Variants in ATE1 observed in about 807,000 individuals in gnomAD.
ATE1 encodes the protein arginyltransferase 1.
Under a neutral mutation model 70.5 loss-of-function variants are expected in ATE1, and 36 were observed. The observed-to-expected ratio is 0.51, with a 90% CI of 0.39 to 0.67. The LOEUF (loss-of-function observed/expected upper bound fraction) is 0.67. Among genes scored for constraint, ATE1 ranks in the 30% least tolerant of loss-of-function variants. The pLI is 0.00. For missense variants in ATE1, 593 were observed against 629.5 expected, an observed-to-expected ratio of 0.94 and a Z score of 0.62; for synonymous variants, 232 against 219.3, an observed-to-expected ratio of 1.06 and a Z score of -0.51.
chr10:121,925,880 T>A (rs1952068322), intron 1 of ATE1, among the ~76,000 whole-genome samples: 1 of 109,630 alleles, frequency 9.1e-6, no homozygotes, highest in African/African-American at 3.3e-5. Context: ...GGAGCAAGAC[T>A]GCCTCTTAAA....
intron 11 of ATE1, among the ~76,000 whole-genome samples, chr10:121,745,860 T>C (rs1218490894): frequency 2.0e-5 from 3 of 152,170 alleles, no homozygotes; most frequent in Admixed American, 6.5e-5. Flanking sequence ...GATGGAGAAC[T>C]GGGTAAAGAG....
At chr10:121,794,661 TAAA>T (rs374044559) in intron 10 of ATE1, among the ~76,000 whole-genome samples, 2 of 65,730 alleles carry the variant, frequency 3.0e-5, no homozygotes, top group African/African-American at 6.4e-5. Context: ...GAATGTCTGG[TAAA>T]AAAAAAAAAA....
At chr10:121,922,517 G>T in intron 2 of ATE1, 106 bp from the exon 3 acceptor site, 1 of 691,690 alleles carries the variant, frequency 1.4e-6, no homozygotes, top group Non-Finnish European at 2.5e-6. Flanking sequence ...AATCAACATT[G>T]TAGAAATGCA....
chr10:121,813,850 G>C (rs1947424066), intron 10 of ATE1, among the ~76,000 whole-genome samples: 1 of 152,176 alleles, frequency 6.6e-6, no homozygotes, highest in Admixed American at 6.5e-5. Context: ...TTGATTCACA[G>C]ACTCCTTTGA....
At chr10:121,781,629 G>GGAAGGCC (rs1345233915) in intron 11 of ATE1, among the ~76,000 whole-genome samples, 1 of 152,152 alleles carries the variant, frequency 6.6e-6, no homozygotes, top group African/African-American at 2.4e-5. Flanking sequence ...TAACCTGAAT[G>GGAAGGCC]GAAGGCCGTG....
At chr10:121,838,304 C>T (rs1948503025) in intron 9 of ATE1, among the ~76,000 whole-genome samples, 1 of 151,890 alleles carries the variant, frequency 6.6e-6, no homozygotes. Flanking sequence ...CCACCTGCGT[C>T]CTTCTCACCA....
chr10:121,837,007 A>C (rs1214911404), intron 9 of ATE1, among the ~76,000 whole-genome samples, 190 bp from the exon 10 acceptor site: 1 of 152,228 alleles, frequency 6.6e-6, no homozygotes, highest in African/African-American at 2.4e-5. Flanking sequence ...AACCCTCTAC[A>C]TAATTTTAAG....
intron 7 of ATE1, among the ~76,000 whole-genome samples, chr10:121,875,209 G>A (rs1375015036): frequency 6.8e-6 from 1 of 147,980 alleles, no homozygotes; most frequent in Admixed American, 6.7e-5. Context: ...TTTGTCTTCT[G>A]AAGCATTATA....
chr10:121,877,225 C>T (rs1950083590), intron 7 of ATE1, among the ~76,000 whole-genome samples: 1 of 151,976 alleles, frequency 6.6e-6, no homozygotes, highest in African/African-American at 2.4e-5. Flanking sequence ...TAAATAAATA[C>T]CAGCACAAAA....
chr10:121,860,574 C>A (rs1422612997), intron 8 of ATE1, among the ~76,000 whole-genome samples: 2 of 152,172 alleles, frequency 1.3e-5, no homozygotes, highest in African/African-American at 4.8e-5. Context: ...TTTAAAGAAA[C>A]TTTACCAAGC....
At chr10:121,921,799 A>G (rs1256975948) in intron 3 of ATE1, among the ~76,000 whole-genome samples, 2 of 152,134 alleles carry the variant, frequency 1.3e-5, no homozygotes, top group African/African-American at 4.8e-5. Context: ...ACTGTGTATA[A>G]AAGTCTTTGT....
At chr10:121,796,310 T>G (rs1260982565) in intron 10 of ATE1, among the ~76,000 whole-genome samples, 2 of 152,130 alleles carry the variant, frequency 1.3e-5, no homozygotes, top group African/African-American at 4.8e-5. Flanking sequence ...TTAAAAATAC[T>G]AAACATAGAG....
intron 3 of ATE1, 83 bp downstream of exon 3, chr10:121,922,266 A>T (rs1590738249): frequency 1.0e-6 from 1 of 980,068 alleles, no homozygotes; most frequent in East Asian, 2.6e-5. Flanking sequence ...GGAAATAAAC[A>T]TTAAAAAAGC....
At chr10:121,771,082 A>G (rs1022764652) in intron 11 of ATE1, among the ~76,000 whole-genome samples, 1 of 152,002 alleles carries the variant, frequency 6.6e-6, no homozygotes, top group Non-Finnish European at 1.5e-5. Flanking sequence ...TTATTTATTT[A>G]TTTTTTTGAG....
chr10:121,768,822 T>C (rs1053585219), intron 11 of ATE1, among the ~76,000 whole-genome samples: 2 of 152,134 alleles, frequency 1.3e-5, no homozygotes, highest in Non-Finnish European at 2.9e-5. Context: ...CCTAAATAAA[T>C]GTTAATTTAG....
chr10:121,904,455 C>G (rs1022337889), intron 5 of ATE1, among the ~76,000 whole-genome samples: 5 of 151,020 alleles, frequency 3.3e-5, no homozygotes, highest in African/African-American at 1.2e-4. Context: ...ACCTGGCTAA[C>G]ACGGTGAAAC....
intron 10 of ATE1, among the ~76,000 whole-genome samples, chr10:121,825,298 C>A (rs189239071): frequency 6.6e-6 from 1 of 152,184 alleles, no homozygotes; most frequent in Non-Finnish European, 1.5e-5. Flanking sequence ...TTCTTTCCAA[C>A]AATACAGGTT....
At chr10:121,788,301 G>A (rs1026025639) in intron 11 of ATE1, among the ~76,000 whole-genome samples, 1 of 152,152 alleles carries the variant, frequency 6.6e-6, no homozygotes, top group Non-Finnish European at 1.5e-5. Flanking sequence ...ACGATCAGAC[G>A]CTGGCTAATA....
At chr10:121,918,882 A>G (rs1444680050) in intron 3 of ATE1, among the ~76,000 whole-genome samples, 1 of 152,168 alleles carries the variant, frequency 6.6e-6, no homozygotes, top group Non-Finnish European at 1.5e-5. Flanking sequence ...CTCTGTAGCT[A>G]GGATTGTAAA....
Sources: gnomAD v4.1 joint callset for allele counts (sites outside exome capture counted in the v4.1 genomes callset) on GRCh38, gnomAD v4.1.1 for gene constraint, MANE v1.5 for transcripts, NCBI Gene and HGNC (gene_info 2026-07-23, HGNC 2026-07-21) for gene names.